The following NOL4L variants were observed in gnomAD, a reference collection of about 807,000 sequenced individuals.
NOL4L encodes nucleolar protein 4 like, also known as nucleolar protein 4-like.
A neutral mutation model predicts 64.5 loss-of-function variants in NOL4L; 7 were observed. The ratio of observed to expected loss-of-function variants is 0.11; its 90% CI spans 0.06 to 0.20. The LOEUF (loss-of-function observed/expected upper bound fraction) is 0.20. Among genes scored for constraint, NOL4L ranks in the 10% least tolerant of loss-of-function variants. NOL4L has a pLI of 1.00. For missense variants in NOL4L, 680 were observed against 967.1 expected (o/e 0.70, Z 3.94); for synonymous variants, 413 against 401.0 (o/e 1.03, Z -0.36).
intron 1 of NOL4L, among the ~76,000 whole-genome samples, chr20:32,583,808 C>T (rs1392215810): frequency 6.7e-6 from 1 of 149,928 alleles, no homozygotes; most frequent in Non-Finnish European, 1.5e-5. Context: ...CCCGCCCCCT[C>T]CCCCACGCCA....
Position 32,453,567 on chromosome 20 carries a change from G to C in NOL4L, c.1305+9C>G. 1 of 1,613,852 alleles carries C rather than the reference G, an allele frequency of 6.2e-7. No homozygotes were observed. On this transcript the variant is annotated intron_variant, in intron 7 of 10. Transcript: ENST00000621426. The surrounding 1 kb of genome is among the most constrained non-coding windows in gnomAD (Gnocchi z 5.6). ...CATCCCACCCCACCTGTTTCCGGCC[G>C]GTGCTCACGTTGAAGGCCTTAAGAC...
Position 32,511,550 on chromosome 20 carries a change from C to T in NOL4L, c.590-94G>A, listed in dbSNP as rs2017406641. The T allele has an allele frequency of 3.7e-5, 31 of 826,982 alleles. No individual in the cohort carries two copies. In the South Asian group the frequency reaches 5.1e-4, roughly 14 times the overall value. 51.2% of individuals were successfully genotyped at this position (826,982 alleles called of 1,614,324 possible). The stretch of plus-strand genomic sequence containing the variant: ...TAACAGAGCCCGTGGAAGAGGAAGC[C>T]ACCTTGGAGGAGAAGGGACAGGTCA... On this transcript the variant is annotated intron_variant, in intron 3 of 10. Coordinates refer to ENST00000621426, the MANE Select transcript of NOL4L (RefSeq NM_001256798.2).
chr20:32,573,622 C>A, intron 1 of NOL4L: 1 of 213,130 alleles, frequency 4.7e-6, no homozygotes. Context: ...ATTGTCATCC[C>A]ATTTTACAGA....
chr20:32,481,938 GGTGT>G (rs2015738263), intron 4 of NOL4L, among the ~76,000 whole-genome samples: 1 of 146,868 alleles, frequency 6.8e-6, no homozygotes, highest in African/African-American at 2.5e-5. Flanking sequence ...CACCCCCTTT[GGTGT>G]GTGTGAGTTG....
At chr20:32,579,397 G>A (rs1041206457) in intron 1 of NOL4L, among the ~76,000 whole-genome samples, 3 of 152,220 alleles carry the variant, frequency 2.0e-5, no homozygotes, top group Admixed American at 6.5e-5. Flanking sequence ...GGATTCAGTC[G>A]CACAACCTCT....
intron 1 of NOL4L, among the ~76,000 whole-genome samples, chr20:32,543,573 C>T (rs1052120200): frequency 2.6e-5 from 4 of 151,518 alleles, no homozygotes; most frequent in African/African-American, 7.3e-5. Context: ...GAGCTGAGAT[C>T]GTGCCATTGC....
rs762177818 is a variant in NOL4L at position 32,447,742 on chromosome 20, TGGTGCTGGAGGGGGTGGGCGTGGG to T, written c.1873_1896del (p.Pro625_Thr632del). ...GCGGTGGGCACGGGCCTGCTGGTGC[TGGTGCTGGAGGGGGTGGGCGTGGG>T]GGTGGTGGAGGTGGTAGAGGCCCCG... On this transcript the variant is annotated inframe_deletion, in exon 11 of 11. Coordinates refer to ENST00000621426, the MANE Select transcript of NOL4L (RefSeq NM_001256798.2). The T allele has an allele frequency of 2.7e-6, 4 of 1,464,760 alleles. No homozygotes were observed. Among genetic ancestry groups the T allele is most frequent in the Non-Finnish European group, 3.7e-6 (4 of 1,088,500 alleles). 90.7% of individuals were successfully genotyped at this position (1,464,760 alleles called of 1,614,324 possible).
At chr20:32,580,854 C>T (rs1332466999) in intron 1 of NOL4L, among the ~76,000 whole-genome samples, 2 of 152,242 alleles carry the variant, frequency 1.3e-5, no homozygotes, top group Non-Finnish European at 2.9e-5. Flanking sequence ...CAGGGCCCCA[C>T]CTCAGCCGTA....
Position 32,447,557 on chromosome 20 carries a change from C to T in NOL4L, c.*39G>A. ...GAAGCCAGGTCCAGGCTGGGACAGC[C>T]TCCTTCCCTAGGGCAGTGCGCTCCA... On this transcript the variant is annotated 3_prime_UTR_variant, in exon 11 of 11. Coordinates refer to ENST00000621426, the MANE Select transcript of NOL4L (RefSeq NM_001256798.2). The T allele has an allele frequency of 6.5e-7, 1 of 1,549,594 alleles. No homozygotes were observed. The highest frequency in any genetic ancestry group is 1.2e-5 in the South Asian group (1 of 83,134).
At position 32,570,125 on chromosome 20, in the gene NOL4L, GTTAA is replaced by G. The variant is rs1196384101; in HGVS notation, c.321+14441_321+14444del. The stretch of plus-strand genomic sequence containing the variant: ...GAGGAGGAAACTGAGGCCAAGGGAG[GTTAA>G]TTAATTTCCCCAAGGTCACTCTGTT... On this transcript the variant is annotated intron_variant, in intron 1 of 10. Transcript: ENST00000621426. Among the ~76,000 whole-genome samples the G allele has an allele frequency of 2.6e-5, 4 of 152,184 alleles. No individual in the cohort carries two copies. In the East Asian group the frequency reaches 7.7e-4, roughly 29 times the overall value.
At chr20:32,488,770 C>CCTTT (rs2016223558) in intron 4 of NOL4L, among the ~76,000 whole-genome samples, 1 of 53,724 alleles carries the variant, frequency 1.9e-5, no homozygotes. Context: ...TTCCTTCCTT[C>CCTTT]CTTCCTTCCT....
intron 1 of NOL4L, among the ~76,000 whole-genome samples, chr20:32,539,912 C>T (rs536964582): frequency 8.7e-4 from 133 of 152,284 alleles, no homozygotes; most frequent in African/African-American, 2.7e-3. Flanking sequence ...TCTGTTTAAC[C>T]CCAGATAACT....
At chr20:32,513,486 A>G (rs1372561821) in intron 3 of NOL4L, among the ~76,000 whole-genome samples, 3 of 152,182 alleles carry the variant, frequency 2.0e-5, no homozygotes, top group Non-Finnish European at 4.4e-5. Context: ...ATGGGTACAG[A>G]GTTTCTGTTT....
intron 1 of NOL4L, among the ~76,000 whole-genome samples, chr20:32,567,019 A>T (rs549568792): frequency 6.6e-6 from 1 of 152,310 alleles, no homozygotes; most frequent in South Asian, 2.1e-4. Context: ...ACAGGAAGTG[A>T]AGGGGCAGCA....
chr20:32,514,575 AAG>A (rs1272755150), intron 3 of NOL4L, among the ~76,000 whole-genome samples: 2 of 151,680 alleles, frequency 1.3e-5, no homozygotes, highest in Non-Finnish European at 2.9e-5. Context: ...TCCTTTTTTT[AAG>A]AGAGACTTCT....
In NOL4L at chr20:32,453,187, C is replaced by T. The variant is rs1295669773; in HGVS notation, c.1497+117G>A. ...CATTTGCAAACCAGGGATTATGGTA[C>T]TTGCTTCCAGGGCTCCTGGGAAGAC... On this transcript the variant is annotated intron_variant, in intron 8 of 10. Coordinates refer to ENST00000621426, the MANE Select transcript of NOL4L (RefSeq NM_001256798.2). The surrounding 1 kb of genome is among the most constrained non-coding windows in gnomAD (Gnocchi z 5.6). The T allele has an allele frequency of 3.5e-6, 5 of 1,432,210 alleles. No homozygotes were observed. Among genetic ancestry groups the T allele is most frequent in the South Asian group, 2.6e-5 (2 of 75,660 alleles). 88.7% of individuals were successfully genotyped at this position (1,432,210 alleles called of 1,614,324 possible).
intron 10 of NOL4L, among the ~76,000 whole-genome samples, chr20:32,450,576 G>T (rs2012788082): frequency 6.6e-6 from 1 of 152,232 alleles, no homozygotes; most frequent in South Asian, 2.1e-4. Context: ...CTCTTGGGCA[G>T]GTGTGAACGG....
At chr20:32,556,319 A>G (rs1978655551) in intron 1 of NOL4L, among the ~76,000 whole-genome samples, 1 of 151,732 alleles carries the variant, frequency 6.6e-6, no homozygotes, top group Non-Finnish European at 1.5e-5. Flanking sequence ...TGTCAGGCTC[A>G]GTTTTGTCCA....
At chr20:32,538,942 C>T (rs2018606187) in intron 1 of NOL4L, among the ~76,000 whole-genome samples, 1 of 150,392 alleles carries the variant, frequency 6.6e-6, no homozygotes, top group South Asian at 2.1e-4. Context: ...TTCAAATCAG[C>T]ATCTCAGCCA....
Sources: gnomAD v4.1 joint callset for allele counts (sites outside exome capture counted in the v4.1 genomes callset) on GRCh38, gnomAD v4.1.1 for gene constraint, Gnocchi (gnomAD v3.1) non-coding constraint, MANE v1.5 for transcripts, NCBI Gene and HGNC (gene_info 2026-07-23, HGNC 2026-07-21) for gene names.